Variants in JAKMIP3 observed in about 807,000 individuals in gnomAD.
The protein encoded by JAKMIP3 is Janus kinase and microtubule interacting protein 3, also known as janus kinase and microtubule-interacting protein 3.
A neutral mutation model predicts 118.5 loss-of-function variants in JAKMIP3; 58 were observed. That is an observed-to-expected ratio of 0.49 (90% CI 0.40 to 0.61). The LOEUF (loss-of-function observed/expected upper bound fraction) is 0.61, where lower values mean the gene tolerates loss of function less well. Among genes scored for constraint, JAKMIP3 ranks in the 20% least tolerant of loss-of-function variants. The pLI, the probability that JAKMIP3 is intolerant of heterozygous loss-of-function variation, is 0.00. For synonymous variants in JAKMIP3, 486 were observed against 451.2 expected (o/e 1.08, Z -0.98); for missense variants, 950 against 1,109.0 (o/e 0.86, Z 2.04).
intron 1 of JAKMIP3, among the ~76,000 whole-genome samples, chr10:132,072,174 G>A (rs2040072982): frequency 1.3e-5 from 2 of 151,946 alleles, no homozygotes; most frequent in African/African-American, 4.8e-5. Flanking sequence ...CCAAAATGCT[G>A]GGATTACAGG....
intron 19 of JAKMIP3, among the ~76,000 whole-genome samples, chr10:132,157,102 C>T (rs558220487): frequency 3.7e-4 from 56 of 152,230 alleles, no homozygotes; most frequent in African/African-American, 1.3e-3. Flanking sequence ...GGTCATCATG[C>T]CAATGGTAGG....
At chr10:132,166,580 C>T (rs1403660820) in intron 21 of JAKMIP3, among the ~76,000 whole-genome samples, 1 of 152,208 alleles carries the variant, frequency 6.6e-6, no homozygotes, top group Non-Finnish European at 1.5e-5. Flanking sequence ...TCTTTCAATA[C>T]AACGTTCACC....
Position 132,104,833 on chromosome 10 carries a change from C to T in JAKMIP3, c.25C>T (p.Arg9Trp), listed in dbSNP as rs768454996. MSKRGMSS[R>W]AKGDKAEALA... ...CATGTCCAAGAGGGGCATGAGCAGC[C>T]GGGCCAAGGGGGACAAGGCAGAGGC... is the stretch of plus-strand genomic sequence containing the variant. Residue 9 changes from arginine (R) to tryptophan (W), a missense_variant, in exon 2 of 24, where the codon CGG becomes TGG. Physicochemically the swap from Arg to Trp is moderately radical, Grantham distance 101. Transcript: ENST00000684848. 1.5e-5 allele frequency: 24 copies of T among 1,553,032 alleles called. No homozygotes were observed. Among genetic ancestry groups the T allele is most frequent in the Admixed American group, 7.8e-5 (4 of 51,136 alleles).
chr10:132,093,222 C>T (rs2043332986), intron 1 of JAKMIP3, among the ~76,000 whole-genome samples: 1 of 152,172 alleles, frequency 6.6e-6, no homozygotes, highest in Admixed American at 6.5e-5. Flanking sequence ...GGTCAGGGAC[C>T]CACTTGAGGG....
rs1249279874 is a variant in JAKMIP3, at chr10:132,097,918, C to CTTT, written c.-137-6754_-137-6753insTTT. Among the ~76,000 whole-genome samples, 9 of 24,192 alleles carry CTTT rather than the reference C, an allele frequency of 3.7e-4. 2 individuals are homozygous for CTTT. The highest frequency in any genetic ancestry group is 2.0e-3 in the East Asian group (1 of 488). The allele number at this position is 24,192 out of a possible 152,430, so 15.9% of individuals were successfully genotyped here. Reference sequence around the variant, plus strand: ...CCCCTTCCCCTTCCCCTTCCCCTTCCCCTTTCCTTCCCCTTCCCCTTTCCC... The same window carrying CTTT: ...CCCCTTCCCCTTCCCCTTCCCCTTCCTTTCCTTTCCTTCCCCTTCCCCTTTCCC... On this transcript the variant is annotated intron_variant, in intron 1 of 23. Coordinates refer to ENST00000684848, the MANE Select transcript of JAKMIP3 (RefSeq NM_001323087.2).
intron 20 of JAKMIP3, 149 bp downstream of exon 20, chr10:132,163,561 G>A (rs1465023140): frequency 5.8e-6 from 4 of 695,142 alleles, no homozygotes; most frequent in African/African-American, 5.3e-5. Context: ...CACACACTCT[G>A]ATGGCTACAC....
chr10:132,040,428 C>T (rs757493839), intron 1 of JAKMIP3, among the ~76,000 whole-genome samples: 30 of 152,202 alleles, frequency 2.0e-4, no homozygotes, highest in Non-Finnish European at 2.4e-4. Flanking sequence ...CTGCTGGCTG[C>T]CTGCTGACCT....
chr10:132,165,143 T>C (rs2058765404), intron 21 of JAKMIP3, among the ~76,000 whole-genome samples: 1 of 152,220 alleles, frequency 6.6e-6, no homozygotes, highest in South Asian at 2.1e-4. Context: ...AGAATCCAGT[T>C]CCCGGATCAG....
chr10:132,140,883 A>G (rs575110423), intron 10 of JAKMIP3, among the ~76,000 whole-genome samples: 6 of 152,300 alleles, frequency 3.9e-5, no homozygotes, highest in African/African-American at 1.4e-4. Flanking sequence ...CCCCTTCTGC[A>G]TAGGGGTACG....
chr10:132,107,159 T>C (rs940571134), intron 2 of JAKMIP3, among the ~76,000 whole-genome samples: 1 of 152,032 alleles, frequency 6.6e-6, no homozygotes, highest in Admixed American at 6.5e-5. Context: ...CCTCCCAACA[T>C]GCTGGGATTA....
chr10:132,068,965 G>C (rs1279349064), intron 1 of JAKMIP3, among the ~76,000 whole-genome samples: 1 of 152,300 alleles, frequency 6.6e-6, no homozygotes, highest in South Asian at 2.1e-4. Flanking sequence ...CAGGATGAAG[G>C]ATGTGACTGG....
rs1213559282 is a variant in JAKMIP3, at chr10:132,180,628, T to TGC, written c.*1104-1728_*1104-1727insCG. On this transcript the variant is annotated intron_variant, in intron 23 of 23. Transcript: ENST00000684848. The stretch of plus-strand genomic sequence containing the variant: ...GCGTGTGTGTGTGCGTGTGTGTGCG[T>TGC]GTGTGCGTGCGTGTGTGCGTGTGCG... Among the ~76,000 whole-genome samples the TGC allele has an allele frequency of 1.1e-3, 37 of 32,716 alleles. 5 individuals carry two copies. The highest frequency in any genetic ancestry group is 4.8e-3 in the African/African-American group (31 of 6,402). 21.5% of individuals were successfully genotyped at this position (32,716 alleles called of 152,430 possible). A position where few individuals can be genotyped will look rare whatever the true frequency, so the allele number is the denominator to read the frequency against.
intron 1 of JAKMIP3, among the ~76,000 whole-genome samples, chr10:132,046,569 C>T (rs1224148023): frequency 6.6e-6 from 1 of 152,200 alleles, no homozygotes; most frequent in African/African-American, 2.4e-5. Context: ...CCCAACCTCA[C>T]CGCCTCGTGC....
chr10:132,072,080 T>C (rs2040049244), intron 1 of JAKMIP3, among the ~76,000 whole-genome samples: 1 of 151,894 alleles, frequency 6.6e-6, no homozygotes, highest in African/African-American at 2.4e-5. Context: ...GCCTCTCGAG[T>C]AGCTGGGATT....
intron 23 of JAKMIP3, among the ~76,000 whole-genome samples, chr10:132,180,768 T>TGTGCGCGC (rs1554963475): frequency 3.1e-5 from 1 of 32,494 alleles, no homozygotes; most frequent in Admixed American, 2.9e-4. Flanking sequence ...TGCGTGTGTG[T>TGTGCGCGC]GCGTGTGTGT....
chr10:132,167,878 C>CCCCTCGG lies in JAKMIP3; in HGVS notation c.*23-68_*23-62dup, dbSNP rs1254294080. 5.5e-5 allele frequency: 64 copies of CCCCTCGG among 1,158,488 alleles called. 1 individual carries two copies. In the East Asian group the frequency reaches 2.3e-3, roughly 41 times the overall value. 71.8% of individuals were successfully genotyped at this position (1,158,488 alleles called of 1,614,324 possible). On this transcript the variant is annotated intron_variant, in intron 22 of 23. Coordinates refer to ENST00000684848, the MANE Select transcript of JAKMIP3 (RefSeq NM_001323087.2). Reference sequence around the variant, plus strand: ...CTCACCCCTCGGCCCTCGCCCCTCGCCCCTCGGCCCTCGCCCCTCACTCCA... The same window carrying CCCCTCGG: ...CTCACCCCTCGGCCCTCGCCCCTCGCCCCTCGGCCCTCGGCCCTCGCCCCTCACTCCA...
intron 6 of JAKMIP3, among the ~76,000 whole-genome samples, chr10:132,136,412 C>T (rs1401412545): frequency 6.6e-6 from 1 of 152,178 alleles, no homozygotes; most frequent in Non-Finnish European, 1.5e-5. Context: ...CTGCGGAGTC[C>T]CGGCTGTTGG....
At chr10:132,143,934 C>G (rs1194939561) in intron 11 of JAKMIP3, 4 of 152,334 alleles carry the variant, frequency 2.6e-5, no homozygotes, top group Admixed American at 2.6e-4. Flanking sequence ...GATTGTGACC[C>G]CTTAAGGGAG....
At chr10:132,108,773 C>T (rs937775286) in intron 2 of JAKMIP3, among the ~76,000 whole-genome samples, 1 of 151,528 alleles carries the variant, frequency 6.6e-6, no homozygotes, top group Non-Finnish European at 1.5e-5. Context: ...AAGGCTGAGG[C>T]GGGAGAATCG....
Sources: allele counts gnomAD v4.1 joint callset (sites outside exome capture counted in the v4.1 genomes callset), GRCh38; gene constraint gnomAD v4.1.1; transcripts MANE v1.5; gene names NCBI Gene and HGNC (gene_info 2026-07-23, HGNC 2026-07-21).